Variants in CPE observed in about 807,000 individuals in gnomAD.
The protein encoded by CPE is carboxypeptidase E.
Under a neutral mutation model 53.5 loss-of-function variants are expected in CPE, and 17 were observed. That is an observed-to-expected ratio of 0.32 (90% CI 0.22 to 0.48). The LOEUF (loss-of-function observed/expected upper bound fraction) is 0.48. CPE is among the 20% of genes least tolerant of loss of function. The pLI, the probability that CPE is intolerant of heterozygous loss-of-function variation, is 0.99. For missense variants in CPE, 524 were observed against 614.7 expected, an observed-to-expected ratio of 0.85 and a Z score of 1.56; for synonymous variants, 226 against 228.8, an observed-to-expected ratio of 0.99 and a Z score of 0.11.
At chr4:165,407,838 G>A (rs1197875273) in intron 1 of CPE, among the ~76,000 whole-genome samples, 1 of 151,274 alleles carries the variant, frequency 6.6e-6, no homozygotes, top group East Asian at 1.9e-4. Context: ...TTATAGGCAT[G>A]AGCCACCGCG....
At chr4:165,494,179 A>G (rs1413784076) in intron 7 of CPE, among the ~76,000 whole-genome samples, 1 of 152,214 alleles carries the variant, frequency 6.6e-6, no homozygotes, top group African/African-American at 2.4e-5. Context: ...ATCTGTGCCA[A>G]GATGTCAGCC....
chr4:165,408,998 A>G (rs1010685005), intron 1 of CPE, among the ~76,000 whole-genome samples: 1 of 152,218 alleles, frequency 6.6e-6, no homozygotes, highest in Non-Finnish European at 1.5e-5. Flanking sequence ...TCAAGCATTT[A>G]CCTCCACCTG....
At chr4:165,481,885 A>G (rs1238867911) in intron 3 of CPE, among the ~76,000 whole-genome samples, 1 of 152,208 alleles carries the variant, frequency 6.6e-6, no homozygotes, top group Non-Finnish European at 1.5e-5. Flanking sequence ...ATTATCCTTA[A>G]CTATTCATAA....
intron 1 of CPE, among the ~76,000 whole-genome samples, chr4:165,415,755 C>CAT (rs75741867): frequency 0.022 from 2,921 of 131,942 alleles, 90 homozygotes; most frequent in African/African-American, 0.073. Context: ...ATATACAGTA[C>CAT]ATATATATTA....
chr4:165,403,216 C>T (rs373872074), intron 1 of CPE, among the ~76,000 whole-genome samples: 9 of 151,994 alleles, frequency 5.9e-5, no homozygotes, highest in African/African-American at 9.7e-5. Flanking sequence ...AAGCTGAAGG[C>T]GACTGTTTTA....
At chr4:165,398,800 T>A (rs370874839) in intron 1 of CPE, among the ~76,000 whole-genome samples, 1 of 152,212 alleles carries the variant, frequency 6.6e-6, no homozygotes, top group Non-Finnish European at 1.5e-5. Context: ...ATATGTTGCC[T>A]CCTGCTGTTT....
chr4:165,457,524 A>G (rs1043141339), intron 1 of CPE, among the ~76,000 whole-genome samples: 1 of 152,236 alleles, frequency 6.6e-6, no homozygotes, highest in Non-Finnish European at 1.5e-5. Context: ...TTAGAATCTT[A>G]GTAGAGATAT....
intron 1 of CPE, among the ~76,000 whole-genome samples, chr4:165,429,277 G>A (rs772790539): frequency 3.9e-5 from 6 of 152,206 alleles, no homozygotes; most frequent in African/African-American, 7.2e-5. Context: ...ATGTGGACTC[G>A]GAGTTATGAT....
chr4:165,386,993 T>A (rs4690814), intron 1 of CPE, among the ~76,000 whole-genome samples: 19,507 of 152,206 alleles, frequency 0.13, 1,297 homozygotes, highest in South Asian at 0.16. Flanking sequence ...TTGAAACATG[T>A]TTAAATTTGC....
At chr4:165,433,985 T>C (rs1444790397) in intron 1 of CPE, among the ~76,000 whole-genome samples, 3 of 152,190 alleles carry the variant, frequency 2.0e-5, no homozygotes, top group Admixed American at 2.0e-4. Context: ...ACGAGCTGTT[T>C]TACGGTTCCC....
intron 1 of CPE, chr4:165,404,259 C>T (rs547114251): frequency 6.8e-5 from 52 of 767,158 alleles, no homozygotes; most frequent in South Asian, 6.8e-4. Context: ...CCAATGTCTC[C>T]CTCTGCAGGT....
chr4:165,399,999 AG>A (rs750861918), intron 1 of CPE, among the ~76,000 whole-genome samples: 7 of 152,370 alleles, frequency 4.6e-5, no homozygotes, highest in Middle Eastern at 3.4e-3. Flanking sequence ...GTACATGTAG[AG>A]GAAGCAAAAT....
intron 1 of CPE, among the ~76,000 whole-genome samples, chr4:165,402,089 A>G (rs1201761390): frequency 6.6e-6 from 1 of 152,192 alleles, no homozygotes; most frequent in Non-Finnish European, 1.5e-5. Flanking sequence ...TTTCCATCAA[A>G]AATATATATT....
At chr4:165,467,215 T>C (rs978136880) in intron 2 of CPE, among the ~76,000 whole-genome samples, 8 of 152,168 alleles carry the variant, frequency 5.3e-5, no homozygotes, top group African/African-American at 1.4e-4. Context: ...CCCAGTGCTT[T>C]GGGAGGCCAA....
At chr4:165,404,433 T>C in intron 1 of CPE, 1 of 765,384 alleles carries the variant, frequency 1.3e-6, no homozygotes, top group Non-Finnish European at 2.4e-6. Flanking sequence ...TTCTTCACAC[T>C]CTCCTGATAG....
In CPE at chr4:165,454,585, T is replaced by G. The variant is rs146215139; in HGVS notation, c.308-9805T>G. On this transcript the variant is annotated intron_variant, in intron 1 of 8. Coordinates refer to ENST00000402744, the MANE Select transcript of CPE (RefSeq NM_001873.4). ...TTTATCTGTGTCTGCTAGAACTGTT[T>G]GACATTCTCCACCCACACAGGTTCT... Among the ~76,000 whole-genome samples the G allele has an allele frequency of 1.4e-3, 210 of 152,356 alleles. 1 individual carries two copies. The highest frequency in any genetic ancestry group is 4.3e-3 in the African/African-American group (177 of 41,580).
intron 8 of CPE, among the ~76,000 whole-genome samples, chr4:165,496,487 G>T (rs1431264488): frequency 6.6e-6 from 1 of 152,156 alleles, no homozygotes; most frequent in Non-Finnish European, 1.5e-5. Context: ...AAGTTGTAAA[G>T]GTTCAACTAT....
chr4:165,493,297 C>G (rs369124397), intron 7 of CPE, 27 bp downstream of exon 7: 24 of 1,465,956 alleles, frequency 1.6e-5, no homozygotes, highest in Non-Finnish European at 2.1e-5. Context: ...ATTGGAGGCT[C>G]TACGTTATGT....
intron 1 of CPE, among the ~76,000 whole-genome samples, chr4:165,401,248 C>T (rs1344945993): frequency 1.3e-5 from 2 of 152,182 alleles, no homozygotes; most frequent in Non-Finnish European, 2.9e-5. Flanking sequence ...CGTTACACGC[C>T]TTTTCCATAG....
Sources: gnomAD v4.1 joint callset for allele counts (sites outside exome capture counted in the v4.1 genomes callset) on GRCh38, gnomAD v4.1.1 for gene constraint, MANE v1.5 for transcripts, NCBI Gene and HGNC (gene_info 2026-07-23, HGNC 2026-07-21) for gene names.